PCTP: variants seen among roughly 807,000 people sequenced by gnomAD.
PCTP encodes the protein START domain-containing protein 2.
In PCTP, 27 loss-of-function variants were observed where a neutral mutation model predicts 31.0. That is an observed-to-expected ratio of 0.87 (90% CI 0.64 to 1.20). The LOEUF is 1.20. Among genes scored for constraint, PCTP ranks in the 50% most tolerant of loss-of-function variants. The probability of loss-of-function intolerance (pLI) is 0.00; values close to 1 mark genes in which losing one functional copy is unlikely to be tolerated. For missense variants in PCTP, 287 were observed against 268.2 expected, an observed-to-expected ratio of 1.07 and a Z score of -0.49; for synonymous variants, 108 against 101.2, an observed-to-expected ratio of 1.07 and a Z score of -0.40.
At chr17:55,846,287 A>G (rs1598028403), downstream of PCTP, among the ~76,000 whole-genome samples, 1 of 152,098 alleles carries the variant, frequency 6.6e-6, no homozygotes, top group East Asian at 1.9e-4. Context: ...ATATAGATTC[A>G]CTGCACTTTG....
chr17:55,806,468 A>G (rs1912586237), intron 3 of PCTP, among the ~76,000 whole-genome samples: 2 of 152,154 alleles, frequency 1.3e-5, no homozygotes, highest in Non-Finnish European at 2.9e-5. Flanking sequence ...CTAGTTTTTA[A>G]ACATTTATGA....
intron 1 of PCTP, among the ~76,000 whole-genome samples, chr17:55,756,101 A>G (rs1863189529): frequency 6.6e-6 from 1 of 152,166 alleles, no homozygotes; most frequent in Non-Finnish European, 1.5e-5. Flanking sequence ...CTGTTCCTCT[A>G]TCATTCATTT....
At position 55,787,118 on chromosome 17, in the gene PCTP, C is replaced by T. The variant is rs75197415; in HGVS notation, c.229-448C>T. On this transcript the variant is annotated intron_variant, in intron 2 of 3. Transcript: ENST00000572536. The stretch of plus-strand genomic sequence containing the variant: ...AGAGACCCCAGAGGTAGACTACCTC[C>T]GAACATCGATCGTCTTCATTGTTTT... Among the ~76,000 whole-genome samples, 728 of 151,640 alleles carry T rather than the reference C, an allele frequency of 4.8e-3. 5 individuals carry two copies. Among genetic ancestry groups the T allele is most frequent in the African/African-American group, 0.016 (675 of 41,320 alleles).
intron 5 of PCTP, among the ~76,000 whole-genome samples, chr17:55,829,808 A>G (rs931430948): frequency 6.6e-6 from 1 of 152,058 alleles, no homozygotes; most frequent in African/African-American, 2.4e-5. Flanking sequence ...TTGTGTTTCC[A>G]TGTTTGGTTA....
intron 1 of PCTP, among the ~76,000 whole-genome samples, chr17:55,753,910 A>C (rs944281515): frequency 5.9e-5 from 9 of 152,154 alleles, no homozygotes; most frequent in Non-Finnish European, 1.3e-4. Context: ...TTTTCTAATA[A>C]AGCTTCCAGC....
intron 3 of PCTP, among the ~76,000 whole-genome samples, chr17:55,792,050 A>G (rs8070005): frequency 0.36 from 52,994 of 146,328 alleles, 15,028 homozygotes; most frequent in African/African-American, 0.81. Flanking sequence ...GTAAACTATC[A>G]CAAGAACAAA....
Position 55,775,716 on chromosome 17 carries a change from T to C in PCTP, c.580-319T>C. On this transcript the variant is annotated intron_variant, in intron 5 of 5. Transcript: ENST00000268896. ...AAGTGCTTTCATTTCTTTGGAAGAATGTAACAATCCAGCCCAAGCCCATTT... is the reference window on the plus strand; with the variant it reads ...AAGTGCTTTCATTTCTTTGGAAGAACGTAACAATCCAGCCCAAGCCCATTT... 4 of 1,223,960 alleles carry C rather than the reference T, an allele frequency of 3.3e-6. No homozygotes were observed. In the South Asian group the frequency reaches 1.5e-4, roughly 45 times the overall value. 75.8% of individuals were successfully genotyped at this position (1,223,960 alleles called of 1,614,324 possible).
chr17:55,776,473 G>T lies in PCTP; in HGVS notation c.*373G>T, dbSNP rs1308175070. ...ATTGTGCAATTTTACGGGGATGGGT[G>T]GGCGGAGGGACACAACAAAATTTAA... On this transcript the variant is annotated 3_prime_UTR_variant, in exon 6 of 6. Coordinates refer to ENST00000268896, the MANE Select transcript of PCTP (RefSeq NM_021213.4). 25 of 1,232,034 alleles carry T rather than the reference G, an allele frequency of 2.0e-5. No homozygotes were observed. Among genetic ancestry groups the T allele is most frequent in the Non-Finnish European group, 2.3e-5 (23 of 988,314 alleles). The allele number at this position is 1,232,034 out of a possible 1,614,324, so 76.3% of individuals were successfully genotyped here. A position where few individuals can be genotyped will look rare whatever the true frequency, so the allele number is the denominator to read the frequency against.
At chr17:55,759,146 C>T (rs532965051) in intron 1 of PCTP, among the ~76,000 whole-genome samples, 4 of 152,344 alleles carry the variant, frequency 2.6e-5, no homozygotes, top group African/African-American at 9.6e-5. Flanking sequence ...TGTCTCTATA[C>T]ATGTGCCTTT....
chr17:55,795,631 C>T (rs924402354), intron 3 of PCTP, among the ~76,000 whole-genome samples: 1 of 152,018 alleles, frequency 6.6e-6, no homozygotes, highest in African/African-American at 2.4e-5. Flanking sequence ...CACTTGATTC[C>T]TGTTGCTTTA....
rs987513896 is a variant in PCTP at position 55,821,680 on chromosome 17, C to T, written c.318-1081C>T. ...TTTAGTTTTATTTACAAAGGGAAAACATGAGTTCAGAGATAAGGAAATTGC... is the reference window on the plus strand; with the variant it reads ...TTTAGTTTTATTTACAAAGGGAAAATATGAGTTCAGAGATAAGGAAATTGC... On this transcript the variant is annotated intron_variant, in intron 3 of 3. Coordinates refer to the PCTP transcript ENST00000572536. 2.0e-5 allele frequency among the ~76,000 whole-genome samples: 3 copies of T among 152,114 alleles called. No individual in the cohort carries two copies. In the South Asian group the frequency reaches 6.2e-4, roughly 32 times the overall value.
intron 2 of PCTP, among the ~76,000 whole-genome samples, chr17:55,783,017 C>G (rs1197105528): frequency 6.6e-6 from 1 of 152,072 alleles, no homozygotes; most frequent in Non-Finnish European, 1.5e-5. Flanking sequence ...GGTGGGGCAA[C>G]AAGCTCAAAG....
chr17:55,832,203 A>G (rs1905624461), intron 5 of PCTP, among the ~76,000 whole-genome samples: 1 of 152,238 alleles, frequency 6.6e-6, no homozygotes, highest in African/African-American at 2.4e-5. Flanking sequence ...GTATATTTTG[A>G]AAGCTCACTC....
chr17:55,765,753 G>T (rs1217663868), intron 1 of PCTP, among the ~76,000 whole-genome samples: 1 of 152,198 alleles, frequency 6.6e-6, no homozygotes, highest in East Asian at 1.9e-4. Flanking sequence ...CCATAGCAAT[G>T]AGAATAAAAT....
intron 3 of PCTP, among the ~76,000 whole-genome samples, chr17:55,808,471 A>G (rs959893886): frequency 5.9e-5 from 9 of 152,248 alleles, no homozygotes; most frequent in African/African-American, 2.2e-4. Flanking sequence ...CCAAAAGGCT[A>G]GAAAAGTCTG....
intron 2 of PCTP, among the ~76,000 whole-genome samples, chr17:55,767,984 T>C (rs998519551): frequency 6.6e-6 from 1 of 151,606 alleles, no homozygotes; most frequent in Non-Finnish European, 1.5e-5. Context: ...TCCCAACTAC[T>C]TAGGAGGCTG....
intron 3 of PCTP, among the ~76,000 whole-genome samples, chr17:55,814,314 GA>G (rs1276218462): frequency 6.6e-6 from 1 of 152,026 alleles, no homozygotes; most frequent in Non-Finnish European, 1.5e-5. Context: ...AGAAACAGAA[GA>G]AAAAAAGATC....
rs1909679094 is a variant in PCTP, at chr17:55,751,207, A to G, written c.104A>G (p.Glu35Gly). 2 of 1,547,688 alleles carry G rather than the reference A, an allele frequency of 1.3e-6. No homozygotes were observed. Among genetic ancestry groups the G allele is most frequent in the Non-Finnish European group, 8.7e-7 (1 of 1,145,826 alleles). ...LAGADWQLLVETSGISIYRLL... is the reference protein window; with the variant it reads ...LAGADWQLLVGTSGISIYRLL... ...GGGGCCGACTGGCAGCTCCTAGTGG[A>G]GACCTCGGGCATCAGCATCTACCGG... Residue 35 changes from glutamate to glycine, a missense_variant, in exon 1 of 6, where the codon GAG becomes GGG. Coordinates refer to ENST00000268896, the MANE Select transcript of PCTP (RefSeq NM_021213.4).
At chr17:55,837,900 C>A (rs983885264) in intron 5 of PCTP, among the ~76,000 whole-genome samples, 2 of 152,110 alleles carry the variant, frequency 1.3e-5, no homozygotes, top group African/African-American at 4.8e-5. Flanking sequence ...CTTCAGGAGG[C>A]CATAGCTGGG....
Sources: allele counts gnomAD v4.1 joint callset (sites outside exome capture counted in the v4.1 genomes callset), GRCh38; gene constraint gnomAD v4.1.1; transcripts MANE v1.5; gene names NCBI Gene and HGNC (gene_info 2026-07-23, HGNC 2026-07-21).